The following ICAM5 variants were observed in gnomAD, a reference collection of about 807,000 sequenced individuals.
The protein encoded by ICAM5 is intercellular adhesion molecule 5.
A neutral mutation model predicts 78.8 loss-of-function variants in ICAM5; 38 were observed. That is an observed-to-expected ratio of 0.48 (90% CI 0.37 to 0.63). The LOEUF is 0.63. Ranked by LOEUF, ICAM5 falls within the 30% of genes least tolerant of loss-of-function variation. The pLI is 0.00. For missense variants in ICAM5, 1,059 were observed against 1,303.0 expected (o/e 0.81, Z 2.88); for synonymous variants, 544 against 590.9 (o/e 0.92, Z 1.15).
rs1194848902 is a variant in ICAM5, at chr19:10,293,264, G to A, written c.1465+18G>A. The A allele has an allele frequency of 6.4e-7, 1 of 1,561,994 alleles. No homozygotes were observed. Among genetic ancestry groups the A allele is most frequent in the Non-Finnish European group, 8.7e-7 (1 of 1,152,424 alleles). On this transcript the variant is annotated intron_variant, in intron 6 of 10. Transcript: ENST00000221980. This position sits in a 1 kb window ranked among gnomAD's most constrained non-coding sequence, Gnocchi z 5.0. Reference sequence around the variant, plus strand: ...GGTGGAGTGTGAGTGGGGGTGCGCAGGGTGCATTTCTATCTGGTTCAAGGT... The same window carrying A: ...GGTGGAGTGTGAGTGGGGGTGCGCAAGGTGCATTTCTATCTGGTTCAAGGT...
In ICAM5 at chr19:10,296,065, T is replaced by C. The variant is rs915631273; in HGVS notation, c.2498-274T>C. 2.0e-5 allele frequency among the ~76,000 whole-genome samples: 3 copies of C among 152,160 alleles called. No individual in the cohort carries two copies. In the South Asian group the frequency reaches 6.2e-4, roughly 32 times the overall value. ...CCTGACCTGGTCCTGCCGGTCCTCA[T>C]TTTTTGGGGGATGGGGAGAGTTGAC... is the stretch of plus-strand genomic sequence containing the variant. On this transcript the variant is annotated intron_variant, in intron 10 of 10. Coordinates refer to ENST00000221980, the MANE Select transcript of ICAM5 (RefSeq NM_003259.4).
intron 10 of ICAM5, among the ~76,000 whole-genome samples, 155 bp from the exon 11 acceptor site, chr19:10,296,184 G>A (rs900026445): frequency 1.1e-4 from 16 of 152,318 alleles, no homozygotes; most frequent in African/African-American, 3.8e-4. Flanking sequence ...GGCACTGGGA[G>A]TGGCCTTATT....
chr19:10,290,811 C>A lies in ICAM5; in HGVS notation c.83-261C>A, dbSNP rs1468053622. ...CCTTTCCTCTCCTCTACGCCCTCCC[C>A]CCATGCTTTCCCGCCGCTCCATCGG... On this transcript the variant is annotated intron_variant, in intron 1 of 10. Transcript: ENST00000221980. The surrounding 1 kb of genome is among the most constrained non-coding windows in gnomAD (Gnocchi z 5.7). 6 of 575,932 alleles carry A rather than the reference C, an allele frequency of 1.0e-5. No individual in the cohort carries two copies. The highest frequency in any genetic ancestry group is 1.2e-5 in the Non-Finnish European group (4 of 324,682). 35.7% of individuals were successfully genotyped at this position (575,932 alleles called of 1,614,324 possible).
In ICAM5 at chr19:10,294,421, T is replaced by G. The variant is rs2040204026; in HGVS notation, c.2011T>G (p.Ser671Ala). 2 of 1,612,446 alleles carry G rather than the reference T, an allele frequency of 1.2e-6. No individual in the cohort carries two copies. The highest frequency in any genetic ancestry group is 1.3e-5 in the African/African-American group (1 of 74,888). ...SAESPPEMDESTCPSHQTWLE... is the reference protein window; with the variant it reads ...SAESPPEMDEATCPSHQTWLE... The stretch of plus-strand genomic sequence containing the variant: ...TGCAGCGCCACCGGAGATGGATGAA[T>G]CTACCTGCCCAAGTCACCAGACGTG... The change falls in exon 9 of 11, where the codon TCT (serine) becomes GCT (alanine). Residue 671 changes from serine to alanine, a missense_variant. Around this residue, in one of 3 missense-constraint regions of ICAM5, gnomAD observed 815 missense variants for 952.8 expected, o/e 0.86. Transcript: ENST00000221980. The surrounding 1 kb of genome is among the most constrained non-coding windows in gnomAD (Gnocchi z 7.7).
rs745487938 is a variant in ICAM5, at chr19:10,291,032, G to A, written c.83-40G>A. ...GACATAGGGGCGCTAAGATGTCAGG[G>A]AGTTGGCTCCCCAGGCTCAGCCCGC... On this transcript the variant is annotated intron_variant, in intron 1 of 10. Transcript: ENST00000221980. 1.9e-6 allele frequency: 3 copies of A among 1,573,524 alleles called. No individual in the cohort carries two copies. The African/African-American group carries it at 4.0e-5, about 21-fold the overall frequency.
chr19:10,290,206 A>G lies in ICAM5; in HGVS notation c.82+81A>G, dbSNP rs913316279. The G allele has an allele frequency of 1.0e-5, 11 of 1,067,970 alleles. No homozygotes were observed. The Admixed American group carries it at 3.3e-4, about 32-fold the overall frequency. 66.2% of individuals were successfully genotyped at this position (1,067,970 alleles called of 1,614,324 possible). On this transcript the variant is annotated intron_variant, in intron 1 of 10. Coordinates refer to ENST00000221980, the MANE Select transcript of ICAM5 (RefSeq NM_003259.4). The surrounding 1 kb of genome is among the most constrained non-coding windows in gnomAD (Gnocchi z 5.7). ...TGAGAAACGGCCTCCTGTCCCTCCC[A>G]GCTCTGCCCTCGCCTCGCTCCCACG...
chr19:10,290,808 C>T lies in ICAM5; in HGVS notation c.83-264C>T, dbSNP rs1486404732. 2 of 572,678 alleles carry T rather than the reference C, an allele frequency of 3.5e-6. No homozygotes were observed. Among genetic ancestry groups the T allele is most frequent in the Non-Finnish European group, 6.2e-6 (2 of 322,562 alleles). The allele number at this position is 572,678 out of a possible 1,614,324, so 35.5% of individuals were successfully genotyped here. On this transcript the variant is annotated intron_variant, in intron 1 of 10. Coordinates refer to ENST00000221980, the MANE Select transcript of ICAM5 (RefSeq NM_003259.4). This position sits in a 1 kb window ranked among gnomAD's most constrained non-coding sequence, Gnocchi z 5.7. ...CCACCTTTCCTCTCCTCTACGCCCT[C>T]CCCCCATGCTTTCCCGCCGCTCCAT...
intron 10 of ICAM5, 31 bp downstream of exon 10, chr19:10,295,643 G>C: frequency 6.6e-7 from 1 of 1,525,486 alleles, no homozygotes; most frequent in South Asian, 1.2e-5. Flanking sequence ...GGCGGGGCGA[G>C]GTATCTGAGA....
Position 10,292,594 on chromosome 19 carries a change from C to T in ICAM5, c.962-18C>T. The T allele has an allele frequency of 1.3e-6, 2 of 1,547,230 alleles. No individual in the cohort carries two copies. Among genetic ancestry groups the T allele is most frequent in the Non-Finnish European group, 1.7e-6 (2 of 1,148,866 alleles). Reference sequence around the variant, plus strand: ...AGGGGTATGGTCAGTATACTACGACCAAATGCTCCGCCCCCAGGCTTCCCG... The same window carrying T: ...AGGGGTATGGTCAGTATACTACGACTAAATGCTCCGCCCCCAGGCTTCCCG... On this transcript the variant is annotated intron_variant, in intron 4 of 10. Transcript: ENST00000221980.
rs2040201301 is a variant in ICAM5 at position 10,294,206 on chromosome 19, C to T, written c.1878C>T (p.Asp626=). ...EGVLLPLAPP[D]PSPRAPRIPR... ...TGCTGCTGCCGCTGGCACCCCCAGA[C>T]CCTAGTCCCAGAGCTCCCAGAATCC... Residue 626 remains aspartate (D), a synonymous_variant, in exon 8 of 11, where the codon GAC becomes GAT. Coordinates refer to ENST00000221980, the MANE Select transcript of ICAM5 (RefSeq NM_003259.4). This position sits in a 1 kb window ranked among gnomAD's most constrained non-coding sequence, Gnocchi z 7.7. 2 of 1,614,074 alleles carry T rather than the reference C, an allele frequency of 1.2e-6. No homozygotes were observed. Among genetic ancestry groups the T allele is most frequent in the East Asian group, 2.2e-5 (1 of 44,876 alleles).
At chr19:10,292,551 C>G (rs2040182873) in intron 4 of ICAM5, 61 bp from the exon 5 acceptor site, 1 of 1,513,730 alleles carries the variant, frequency 6.6e-7, no homozygotes, top group African/African-American at 1.4e-5. Flanking sequence ...AGATAAGGGG[C>G]GGGCCTTGAC....
Position 10,289,970 on chromosome 19 carries a change from C to G in ICAM5, c.-74C>G. On this transcript the variant is annotated 5_prime_UTR_variant, in exon 1 of 11. Transcript: ENST00000221980. ...CTCCCCCACACCCCACCCGCCGCGC[C>G]GCGCGGAGCCGTCCTCTAGCCCAGC... 1 of 1,262,988 alleles carries G rather than the reference C, an allele frequency of 7.9e-7. No homozygotes were observed. Among genetic ancestry groups the G allele is most frequent in the Non-Finnish European group, 1.1e-6 (1 of 929,798 alleles). 78.2% of individuals were successfully genotyped at this position (1,262,988 alleles called of 1,614,324 possible). A position where few individuals can be genotyped will look rare whatever the true frequency, so the allele number is the denominator to read the frequency against.
Position 10,291,214 on chromosome 19 carries a change from G to T in ICAM5, c.225G>T (p.Gly75=), listed in dbSNP as rs1228613631. Residue 75 remains glycine, a synonymous_variant, in exon 2 of 11, where the codon GGG becomes GGT. Transcript: ENST00000221980. ...TGGAGACCTCGCTGCGCCGAAACGG[G>T]ACCCAGAGGGGTTTGCGTTGGTTGG... ...GGLETSLRRN[G]TQRGLRWLAR... 1 of 1,612,428 alleles carries T rather than the reference G, an allele frequency of 6.2e-7. No homozygotes were observed. The highest frequency in any genetic ancestry group is 8.5e-7 in the Non-Finnish European group (1 of 1,179,914).
At chr19:10,291,920 A>G (rs1289226085) in intron 3 of ICAM5, 111 bp downstream of exon 3, 2 of 1,486,842 alleles carry the variant, frequency 1.3e-6, no homozygotes, top group African/African-American at 2.8e-5. Flanking sequence ...TCGCCGGCTG[A>G]GCTGTTTCCC....
rs778837551 is a variant in ICAM5 at position 10,291,714 on chromosome 19, G to A, written c.578G>A (p.Gly193Glu). ...ATVLARREDHGANFSCRAELD... is the reference protein window; with the variant it reads ...ATVLARREDHEANFSCRAELD... Reference sequence around the variant, plus strand: ...GTACTGGCTCGGAGGGAGGACCATGGAGCCAATTTCTCGTGTCGCGCCGAG... The same window carrying A: ...GTACTGGCTCGGAGGGAGGACCATGAAGCCAATTTCTCGTGTCGCGCCGAG... The change falls in exon 3 of 11, where the codon GGA (glycine) becomes GAA (glutamate). Residue 193 changes from glycine to glutamate, a missense_variant. Gly to Glu is a moderately conservative substitution (Grantham distance 98). Transcript: ENST00000221980. 1.9e-6 allele frequency: 3 copies of A among 1,612,834 alleles called. No homozygotes were observed. The highest frequency in any genetic ancestry group is 2.2e-5 in the South Asian group (2 of 91,086).
Position 10,293,698 on chromosome 19 carries a change from A to C in ICAM5, c.1466A>C (p.Tyr489Ser), listed in dbSNP as rs1568300664. ...GCCAACAATACACTCCCTCCTCCAG[A>C]CGCACCAGCGCTGGACAGCGTGGGC... ...AVKDVTLTVEYAPALDSVGCP... is the reference protein window; with the variant it reads ...AVKDVTLTVESAPALDSVGCP... Residue 489 changes from tyrosine (Y) to serine (S), a missense_variant and splice_region_variant, in exon 7 of 11, where the codon TAC (tyrosine) becomes TCC (serine). Physicochemically the swap from Tyr to Ser is moderately radical, Grantham distance 144. Coordinates refer to ENST00000221980, the MANE Select transcript of ICAM5 (RefSeq NM_003259.4). The surrounding 1 kb of genome is among the most constrained non-coding windows in gnomAD (Gnocchi z 5.0). 7 of 1,612,530 alleles carry C rather than the reference A, an allele frequency of 4.3e-6. No homozygotes were observed. Among genetic ancestry groups the C allele is most frequent in the Non-Finnish European group, 5.1e-6 (6 of 1,179,050 alleles).
At position 10,291,828 on chromosome 19, in the gene ICAM5, G is replaced by A. The variant is rs759899104; in HGVS notation, c.673+19G>A. 5 of 1,601,830 alleles carry A rather than the reference G, an allele frequency of 3.1e-6. No individual in the cohort carries two copies. In the South Asian group the frequency reaches 5.5e-5, roughly 18 times the overall value. On this transcript the variant is annotated intron_variant, in intron 3 of 10. Transcript: ENST00000221980. ...ACCTTCTGTGAGTGGGTGTGGGGAGGAGATGGGGACCCAGTGGGGTCGGTC... is the reference window on the plus strand; with the variant it reads ...ACCTTCTGTGAGTGGGTGTGGGGAGAAGATGGGGACCCAGTGGGGTCGGTC...
rs755203339 is a variant in ICAM5, at chr19:10,294,567, C to T, written c.2157C>T (p.Asp719=). The T allele has an allele frequency of 1.2e-6, 2 of 1,610,214 alleles. No individual in the cohort carries two copies. Among genetic ancestry groups the T allele is most frequent in the Non-Finnish European group, 1.7e-6 (2 of 1,178,758 alleles). The change falls in exon 9 of 11, where the codon GAC becomes GAT. Residue 719 remains aspartate (D), a synonymous_variant. Coordinates refer to ENST00000221980, the MANE Select transcript of ICAM5 (RefSeq NM_003259.4). The surrounding 1 kb of genome is among the most constrained non-coding windows in gnomAD (Gnocchi z 7.7). ...WPEQQRVSRE[D]AGTYHCVATN... is the part of the protein sequence containing the mutation. Reference sequence around the variant, plus strand: ...AGCAGCAGCGCGTGTCCCGAGAGGACGCGGGCACTTACCACTGTGTGGCCA... The same window carrying T: ...AGCAGCAGCGCGTGTCCCGAGAGGATGCGGGCACTTACCACTGTGTGGCCA...
intron 10 of ICAM5, 85 bp downstream of exon 10, chr19:10,295,697 C>T: frequency 2.9e-6 from 4 of 1,395,004 alleles, no homozygotes; most frequent in South Asian, 1.4e-5. Flanking sequence ...CCGCCTGCCT[C>T]CCTCTCGGTC....
Sources: allele counts gnomAD v4.1 joint callset (sites outside exome capture counted in the v4.1 genomes callset), GRCh38; gene constraint gnomAD v4.1.1; regional missense constraint gnomAD v4.1.1; non-coding constraint Gnocchi (gnomAD v3.1); transcripts MANE v1.5; gene names NCBI Gene and HGNC (gene_info 2026-07-23, HGNC 2026-07-21).